PDE5A: variants seen among roughly 807,000 people sequenced by gnomAD.
PDE5A encodes the protein cGMP-specific 3',5'-cyclic phosphodiesterase.
In PDE5A, 67 loss-of-function variants were observed where a neutral mutation model predicts 110.2. The observed-to-expected ratio is 0.61, with a 90% CI of 0.50 to 0.75. The LOEUF is 0.75. Ranked by LOEUF, PDE5A falls within the 30% of genes least tolerant of loss-of-function variation. The pLI is 0.00. For synonymous variants in PDE5A, 328 were observed against 351.2 expected (o/e 0.93, Z 0.74); for missense variants, 862 against 1,045.1 (o/e 0.82, Z 2.42).
chr4:119,536,777 C>G (rs186063788), intron 11 of PDE5A, among the ~76,000 whole-genome samples: 441 of 152,244 alleles, frequency 2.9e-3, no homozygotes, highest in Non-Finnish European at 5.3e-3. Context: ...GCTGTGCAAT[C>G]TTGTGTGGGC....
At chr4:119,568,502 A>C (rs28372207) in intron 3 of PDE5A, among the ~76,000 whole-genome samples, 3,434 of 152,280 alleles carry the variant, frequency 0.023, 134 homozygotes, top group African/African-American at 0.078. Context: ...CGTACCAAAA[A>C]GTAATAAAAA....
rs1362976898 is a variant in PDE5A, at chr4:119,558,790, G to A, written c.1199+1506C>T. Among the ~76,000 whole-genome samples the A allele has an allele frequency of 2.7e-5, 4 of 150,680 alleles. No homozygotes were observed. In the South Asian group the frequency reaches 8.4e-4, roughly 31 times the overall value. On this transcript the variant is annotated intron_variant, in intron 7 of 20. Transcript: ENST00000354960. ...AAATTAGCCGGGCGTAGTGGCGGGC[G>A]CCTGTAGTCCCAGCTACTTGGGAGG...
chr4:119,628,081 G>C (rs1367742828), intron 1 of PDE5A: 2 of 978,380 alleles, frequency 2.0e-6, no homozygotes, highest in Admixed American at 1.2e-4. Flanking sequence ...GGGCCAGGGC[G>C]AGGGGGGACG....
intron 9 of PDE5A, among the ~76,000 whole-genome samples, chr4:119,545,233 A>T (rs1277434398): frequency 1.3e-5 from 2 of 152,206 alleles, no homozygotes; most frequent in African/African-American, 4.8e-5. Context: ...AAGAGGGCTT[A>T]TAACAAACAG....
Position 119,628,690 on chromosome 4 carries a change from C to G in PDE5A, c.-19G>C. 3 of 1,609,282 alleles carry G rather than the reference C, an allele frequency of 1.9e-6. No individual in the cohort carries two copies. The highest frequency in any genetic ancestry group is 2.7e-5 in the African/African-American group (2 of 75,048). On this transcript the variant is annotated 5_prime_UTR_variant, in exon 1 of 21. Coordinates refer to ENST00000354960, the MANE Select transcript of PDE5A (RefSeq NM_001083.4). The stretch of plus-strand genomic sequence containing the variant: ...GCTCCATGGTTGGCACCGCGCGCCT[C>G]GGAGGCTCTCTGGTACTGCTTTTCC...
intron 3 of PDE5A, among the ~76,000 whole-genome samples, chr4:119,582,369 A>C (rs1440941196): frequency 6.6e-6 from 1 of 152,194 alleles, no homozygotes; most frequent in Non-Finnish European, 1.5e-5. Context: ...TCTTCTGGCT[A>C]TATTTCTAAT....
chr4:119,627,262 G>T lies in PDE5A; in HGVS notation c.152+1258C>A. 1.3e-6 allele frequency: 2 copies of T among 1,588,718 alleles called. No individual in the cohort carries two copies. Among genetic ancestry groups the T allele is most frequent in the Non-Finnish European group, 8.6e-7 (1 of 1,166,674 alleles). On this transcript the variant is annotated intron_variant, in intron 1 of 20. Coordinates refer to ENST00000354960, the MANE Select transcript of PDE5A (RefSeq NM_001083.4). This position sits in a 1 kb window ranked among gnomAD's most constrained non-coding sequence, Gnocchi z 4.6. ...GGGCAACAACGCGCGCAGGTGAGGT[G>T]AGGTGAGGTCGGCGACTCAGAACCA...
At chr4:119,628,028 G>A (rs1730425160) in intron 1 of PDE5A, 8 of 985,762 alleles carry the variant, frequency 8.1e-6, no homozygotes, top group African/African-American at 1.7e-5. Context: ...CCTTTGGGCT[G>A]TCCCGTGGAC....
Position 119,519,166 on chromosome 4 carries a change from A to G in PDE5A, c.1906-27T>C, listed in dbSNP as rs745893411. 21 of 1,524,896 alleles carry G rather than the reference A, an allele frequency of 1.4e-5. No homozygotes were observed. In the African/African-American group the frequency reaches 1.9e-4, roughly 14 times the overall value. 94.5% of individuals were successfully genotyped at this position (1,524,896 alleles called of 1,614,324 possible). On this transcript the variant is annotated intron_variant, in intron 13 of 20. Transcript: ENST00000354960. ...TGCATGACCAAAGACATTGGAGGAA[A>G]GAGAGAACAAATATAATGTGGTGAA...
intron 14 of PDE5A, chr4:119,512,560 A>G (rs1286906335): frequency 6.6e-6 from 1 of 152,238 alleles, no homozygotes; most frequent in Non-Finnish European, 1.5e-5. Flanking sequence ...GTAGCAGCCC[A>G]AAGGAAGAGA....
chr4:119,547,928 G>A (rs956832234), intron 9 of PDE5A, among the ~76,000 whole-genome samples: 4 of 151,254 alleles, frequency 2.6e-5, no homozygotes, highest in Non-Finnish European at 5.9e-5. Context: ...AGCTATATAT[G>A]TCAATTAAAT....
chr4:119,502,753 C>T (rs1725403112), intron 18 of PDE5A, 98 bp from the exon 19 acceptor site: 3 of 725,880 alleles, frequency 4.1e-6, no homozygotes, highest in Non-Finnish European at 7.1e-6. Context: ...TGTATATCTC[C>T]ATTTTATAGC....
At chr4:119,536,680 G>T (rs1726736404) in intron 11 of PDE5A, among the ~76,000 whole-genome samples, 1 of 152,140 alleles carries the variant, frequency 6.6e-6, no homozygotes, top group South Asian at 2.1e-4. Context: ...ACTGGCAAAT[G>T]ACTCAGTTTC....
chr4:119,579,291 G>A (rs1171374981), intron 3 of PDE5A, among the ~76,000 whole-genome samples: 3 of 152,158 alleles, frequency 2.0e-5, no homozygotes, highest in Non-Finnish European at 1.5e-5. Context: ...CGATTCCTCA[G>A]GAATCTAGAA....
At position 119,552,643 on chromosome 4, in the gene PDE5A, CA is replaced by C. The variant is rs1370144366; in HGVS notation, c.1309-7del. The C allele has an allele frequency of 6.7e-7, 1 of 1,491,820 alleles. No individual in the cohort carries two copies. Among genetic ancestry groups the C allele is most frequent in the Admixed American group, 2.3e-5 (1 of 42,718 alleles). 92.4% of individuals were successfully genotyped at this position (1,491,820 alleles called of 1,614,324 possible). A position where few individuals can be genotyped will look rare whatever the true frequency, so the allele number is the denominator to read the frequency against. On this transcript the variant is annotated splice_region_variant and splice_polypyrimidine_tract_variant and intron_variant, in intron 8 of 20. Transcript: ENST00000354960. ...ACATTTCCTGTATTTTCAGTCTAAA[CA>C]AAAATAAAAAGAACAAAACAGCTAA...
intron 3 of PDE5A, chr4:119,569,874 T>C (rs1728081906): frequency 6.6e-6 from 1 of 152,486 alleles, no homozygotes; most frequent in Admixed American, 6.5e-5. Context: ...TGAGAGGATG[T>C]GCATAGGTTT....
intron 11 of PDE5A, among the ~76,000 whole-genome samples, chr4:119,530,457 G>A (rs1726489338): frequency 6.6e-6 from 1 of 152,128 alleles, no homozygotes; most frequent in South Asian, 2.1e-4. Context: ...GATTAGGAAG[G>A]AGTGGAGCAC....
intron 3 of PDE5A, among the ~76,000 whole-genome samples, chr4:119,582,485 C>T (rs765102009): frequency 2.0e-5 from 3 of 152,166 alleles, no homozygotes; most frequent in Non-Finnish European, 4.4e-5. Flanking sequence ...CTTCCAAATT[C>T]CTGTTCATGT....
intron 16 of PDE5A, 58 bp from the exon 17 acceptor site, chr4:119,505,990 T>TG: frequency 1.0e-6 from 1 of 963,822 alleles, no homozygotes; most frequent in African/African-American, 1.7e-5. Flanking sequence ...CTTATCCCTT[T>TG]GGTCCACAAA....
Sources: gnomAD v4.1 joint callset for allele counts (sites outside exome capture counted in the v4.1 genomes callset) on GRCh38, gnomAD v4.1.1 for gene constraint, Gnocchi (gnomAD v3.1) non-coding constraint, MANE v1.5 for transcripts, NCBI Gene and HGNC (gene_info 2026-07-23, HGNC 2026-07-21) for gene names.